REV3L: variants seen among roughly 807,000 people sequenced by gnomAD.
REV3L encodes the protein DNA polymerase zeta catalytic subunit.
A neutral mutation model predicts 299.4 loss-of-function variants in REV3L; 69 were observed. That is an observed-to-expected ratio of 0.23 (90% CI 0.19 to 0.28). REV3L has a LOEUF of 0.28. REV3L is among the 10% of genes least tolerant of loss of function. The pLI is 1.00. For synonymous variants in REV3L, 1,238 were observed against 1,271.4 expected (o/e 0.97, Z 0.56); for missense variants, 3,128 against 3,693.8 (o/e 0.85, Z 3.97).
chr6:111,364,264 A>G (rs1339721290), intron 15 of REV3L, among the ~76,000 whole-genome samples: 2 of 152,052 alleles, frequency 1.3e-5, no homozygotes, highest in African/African-American at 4.8e-5. Flanking sequence ...GTTGACATTT[A>G]TACCACATGG....
At chr6:111,435,038 CT>C (rs1787388322) in intron 1 of REV3L, among the ~76,000 whole-genome samples, 1 of 152,098 alleles carries the variant, frequency 6.6e-6, no homozygotes, top group Admixed American at 6.5e-5. Context: ...AACCCTGTCT[CT>C]ACAAAAAATA....
chr6:111,482,832 C>G lies in REV3L; in HGVS notation c.57G>C (p.Gly19=). 6.6e-7 allele frequency: 1 copy of G among 1,507,090 alleles called. No homozygotes were observed. Among genetic ancestry groups the G allele is most frequent in the Non-Finnish European group, 8.8e-7 (1 of 1,134,998 alleles). The allele number at this position is 1,507,090 out of a possible 1,614,324, so 93.4% of individuals were successfully genotyped here. A position where few individuals can be genotyped will look rare whatever the true frequency, so the allele number is the denominator to read the frequency against. The change falls in exon 1 of 32, where the codon GGG becomes GGC. Residue 19 remains glycine, a synonymous_variant. Transcript: ENST00000368802. ...TGAGGGGGGATTGGCAGGTATCCAG[C>G]CCCTGCAGCGGGCTGGCCATGTAGT... ...ADYYMASPLQ[G]LDTCQSPLTQ...
intron 4 of REV3L, among the ~76,000 whole-genome samples, chr6:111,396,036 T>G (rs982951896): frequency 2.0e-5 from 3 of 150,828 alleles, no homozygotes; most frequent in African/African-American, 4.9e-5. Context: ...CTGAAATAAG[T>G]TTTTTTTTGA....
At position 111,397,300 on chromosome 6, in the gene REV3L, G is replaced by A. The variant is rs186615576; in HGVS notation, c.566-4328C>T. On this transcript the variant is annotated intron_variant, in intron 4 of 31. Coordinates refer to ENST00000368802, the MANE Select transcript of REV3L (RefSeq NM_001372078.1). ...TGCTGTATCTCATAGGTTTTGGTAT[G>A]TTGTGTTTCCATTTTCATTGGTTTC... Among the ~76,000 whole-genome samples the A allele has an allele frequency of 2.2e-3, 330 of 152,010 alleles. 1 individual carries two copies. Among genetic ancestry groups the A allele is most frequent in the African/African-American group, 7.5e-3 (311 of 41,488 alleles).
chr6:111,422,635 T>C (rs894620426), intron 1 of REV3L, among the ~76,000 whole-genome samples: 627 of 19,620 alleles, frequency 0.032, 165 homozygotes, highest in Non-Finnish European at 0.085. Context: ...TATATACACA[T>C]ATATATATAT....
chr6:111,392,438 C>T (rs1782028937), intron 5 of REV3L, among the ~76,000 whole-genome samples: 3 of 152,018 alleles, frequency 2.0e-5, no homozygotes, highest in Admixed American at 2.0e-4. Context: ...AAATAAATTA[C>T]AAATTATATT....
chr6:111,456,760 T>A lies in REV3L; in HGVS notation c.139+25990A>T, dbSNP rs1790208880. Among the ~76,000 whole-genome samples the A allele has an allele frequency of 2.6e-5, 4 of 152,294 alleles. No homozygotes were observed. The South Asian group carries it at 8.3e-4, about 32-fold the overall frequency. On this transcript the variant is annotated intron_variant, in intron 1 of 31. Transcript: ENST00000368802. ...CTTTTAGACACTGGAATCAGACATA[T>A]CCAAAGAATCTCTGGTAAATCTGAC... is the stretch of plus-strand genomic sequence containing the variant.
At chr6:111,430,794 A>C in intron 1 of REV3L, 2 of 1,608,174 alleles carry the variant, frequency 1.2e-6, no homozygotes, top group Non-Finnish European at 8.5e-7. Flanking sequence ...ATCGTGAAGG[A>C]ATCTGGAGGA....
chr6:111,395,675 A>G (rs1782419750), intron 4 of REV3L, among the ~76,000 whole-genome samples: 2 of 152,076 alleles, frequency 1.3e-5, no homozygotes, highest in South Asian at 4.2e-4. Flanking sequence ...CTTTTTCCCA[A>G]TTTGGTGTCT....
At chr6:111,435,488 A>G (rs1008056859) in intron 1 of REV3L, among the ~76,000 whole-genome samples, 3 of 152,148 alleles carry the variant, frequency 2.0e-5, no homozygotes, top group African/African-American at 7.2e-5. Flanking sequence ...AGAACAGAGA[A>G]CCTACATATA....
At chr6:111,404,562 T>C (rs765697647) in intron 4 of REV3L, among the ~76,000 whole-genome samples, 4 of 152,190 alleles carry the variant, frequency 2.6e-5, no homozygotes, top group Non-Finnish European at 5.9e-5. Context: ...GCAAAATATA[T>C]TGAAAACCTT....
At chr6:111,396,051 G>A (rs149544988) in intron 4 of REV3L, among the ~76,000 whole-genome samples, 7 of 151,898 alleles carry the variant, frequency 4.6e-5, no homozygotes, top group African/African-American at 1.7e-4. Context: ...TTTTGAGACA[G>A]GGTCTCACTC....
chr6:111,418,679 T>C (rs894850646), intron 1 of REV3L, among the ~76,000 whole-genome samples: 3 of 152,244 alleles, frequency 2.0e-5, no homozygotes, highest in African/African-American at 4.8e-5. Flanking sequence ...TCTTTCCATT[T>C]AACCATGCTG....
chr6:111,446,917 G>A (rs1454248957), intron 1 of REV3L, among the ~76,000 whole-genome samples: 1 of 152,070 alleles, frequency 6.6e-6, no homozygotes. Flanking sequence ...GAGACTTGAA[G>A]GATGAATAAC....
In REV3L at chr6:111,375,595, T is replaced by C. The variant is rs768110877; in HGVS notation, c.2760A>G (p.Arg920=). ...TCTCATAATTTACCTTGCGTTTGGCTCTAAGTGTGTATTTATTTCCATATA... is the reference window on the plus strand; with the variant it reads ...TCTCATAATTTACCTTGCGTTTGGCCCTAAGTGTGTATTTATTTCCATATA... The part of the protein sequence containing the change: ...FGLYGNKYTL[R]AKRKVNYETE... The change falls in exon 13 of 32, where the codon AGA becomes AGG. Residue 920 remains arginine (R), a synonymous_variant. Transcript: ENST00000368802. 1 of 1,613,820 alleles carries C rather than the reference T, an allele frequency of 6.2e-7. No individual in the cohort carries two copies. Among genetic ancestry groups the C allele is most frequent in the Admixed American group, 1.7e-5 (1 of 60,008 alleles).
rs190854333 is a variant in REV3L, at chr6:111,412,008, G to A, written c.330-454C>T. 12 of 985,280 alleles carry A rather than the reference G, an allele frequency of 1.2e-5. No homozygotes were observed. In the African/African-American group the frequency reaches 1.7e-4, roughly 14 times the overall value. 61.0% of individuals were successfully genotyped at this position (985,280 alleles called of 1,614,324 possible). ...GGCTCCCATTTTTTTGTTAAAAACT[G>A]AAGTTCTTCTTCAACAAAGTCCTTT... On this transcript the variant is annotated intron_variant, in intron 2 of 31. Transcript: ENST00000368802.
intron 5 of REV3L, among the ~76,000 whole-genome samples, chr6:111,391,241 T>C (rs182864924): frequency 6.6e-6 from 1 of 152,168 alleles, no homozygotes; most frequent in East Asian, 1.9e-4. Flanking sequence ...AATTTTTGTA[T>C]TTTTAGTACA....
rs764060465 is a variant in REV3L at position 111,313,394 on chromosome 6, T to C, written c.8562A>G (p.Gly2854=). 1.4e-5 allele frequency: 23 copies of C among 1,613,614 alleles called. No homozygotes were observed. The highest frequency in any genetic ancestry group is 1.9e-5 in the Non-Finnish European group (22 of 1,179,866). ...AGGAATCTCTTCTGACTGTTTCTATTCCTTTTGCATCAAATACTGGGTCCT... is the reference window on the plus strand; with the variant it reads ...AGGAATCTCTTCTGACTGTTTCTATCCCTTTTGCATCAAATACTGGGTCCT... ...DQKDPVFDAK[G]IETVRRDSCP... is the part of the protein sequence containing the mutation. The change falls in exon 28 of 32, where the codon GGA becomes GGG. Residue 2854 remains glycine (G), a synonymous_variant. Coordinates refer to ENST00000368802, the MANE Select transcript of REV3L (RefSeq NM_001372078.1).
intron 1 of REV3L, among the ~76,000 whole-genome samples, chr6:111,472,309 T>A (rs1203212296): frequency 6.6e-6 from 1 of 152,156 alleles, no homozygotes; most frequent in East Asian, 1.9e-4. Context: ...CTTTGAAGTA[T>A]AAATATATAT....
Sources: allele counts gnomAD v4.1 joint callset (sites outside exome capture counted in the v4.1 genomes callset), GRCh38; gene constraint gnomAD v4.1.1; transcripts MANE v1.5; gene names NCBI Gene and HGNC (gene_info 2026-07-23, HGNC 2026-07-21).